The following PPP1R9A variants were observed in gnomAD, a reference collection of about 807,000 sequenced individuals.
The protein encoded by PPP1R9A is neurabin-1.
A neutral mutation model predicts 141.9 loss-of-function variants in PPP1R9A; 59 were observed. That is an observed-to-expected ratio of 0.42 (90% CI 0.34 to 0.52). The LOEUF (loss-of-function observed/expected upper bound fraction) is 0.52. Among genes scored for constraint, PPP1R9A ranks in the 20% least tolerant of loss-of-function variants. The pLI is 0.10. For synonymous variants in PPP1R9A, 500 were observed against 569.7 expected (o/e 0.88, Z 1.74); for missense variants, 1,444 against 1,611.9 (o/e 0.90, Z 1.78).
intron 2 of PPP1R9A, among the ~76,000 whole-genome samples, chr7:95,096,161 G>A (rs1232280810): frequency 1.3e-5 from 2 of 152,068 alleles, no homozygotes; most frequent in Non-Finnish European, 2.9e-5. Flanking sequence ...TGGAAATACA[G>A]GATTTTAGAT....
chr7:94,961,075 G>C lies in PPP1R9A; in HGVS notation c.1395+49567G>C, dbSNP rs190179294. Among the ~76,000 whole-genome samples the C allele has an allele frequency of 1.3e-3, 193 of 151,646 alleles. 4 individuals are homozygous for C. Among genetic ancestry groups the C allele is most frequent in the Non-Finnish European group, 4.1e-4 (28 of 67,652 alleles). On this transcript the variant is annotated intron_variant, in intron 2 of 19. Coordinates refer to ENST00000433360, the MANE Select transcript of PPP1R9A (RefSeq NM_001166160.2). ...TTGAATAGGTAAAGGGGAGAATTGA[G>C]TAGTGATATGATGTATTTAGTCTGG... is the stretch of plus-strand genomic sequence containing the variant.
chr7:94,975,269 G>T (rs942953424), intron 2 of PPP1R9A, among the ~76,000 whole-genome samples: 2 of 151,492 alleles, frequency 1.3e-5, no homozygotes, highest in Admixed American at 1.3e-4. Flanking sequence ...TAGCCTGGTA[G>T]CTTGAAGCTG....
At chr7:95,049,406 A>C (rs540885442) in intron 2 of PPP1R9A, among the ~76,000 whole-genome samples, 2 of 152,302 alleles carry the variant, frequency 1.3e-5, no homozygotes, top group South Asian at 4.1e-4. Flanking sequence ...TTTTAGGTTC[A>C]TAGTAAGATT....
intron 2 of PPP1R9A, among the ~76,000 whole-genome samples, chr7:94,957,769 TACGAC>T (rs1797222439): frequency 1.3e-5 from 2 of 152,202 alleles, no homozygotes; most frequent in South Asian, 4.2e-4. Flanking sequence ...CACTTTACTG[TACGAC>T]CCCTTTCTTC....
chr7:95,137,068 T>G (rs1175562547), intron 4 of PPP1R9A, among the ~76,000 whole-genome samples: 1 of 152,118 alleles, frequency 6.6e-6, no homozygotes, highest in Non-Finnish European at 1.5e-5. Flanking sequence ...TCATAAAAGA[T>G]GCAAGTCTTT....
At chr7:95,141,228 G>A (rs11979358) in intron 4 of PPP1R9A, among the ~76,000 whole-genome samples, 90,652 of 151,934 alleles carry the variant, frequency 0.6, 27,641 homozygotes, top group African/African-American at 0.72. Context: ...TGAAGACCCA[G>A]TGCTGAAGAA....
Position 95,133,463 on chromosome 7 carries a change from A to G in PPP1R9A, c.1649+12631A>G, listed in dbSNP as rs543096768. Among the ~76,000 whole-genome samples the G allele has an allele frequency of 4.7e-5, 7 of 149,450 alleles. No homozygotes were observed. The South Asian group carries it at 1.5e-3, about 31-fold the overall frequency. The stretch of plus-strand genomic sequence containing the variant: ...ACTTAAATAATATATTACTTTATAT[A>G]ATGTCATTAGTTTTTATAATAGACT... On this transcript the variant is annotated intron_variant, in intron 4 of 19. Transcript: ENST00000433360.
chr7:94,931,003 A>G (rs1170933487), intron 2 of PPP1R9A, among the ~76,000 whole-genome samples: 1 of 152,150 alleles, frequency 6.6e-6, no homozygotes, highest in Non-Finnish European at 1.5e-5. Context: ...ATGAAGATTA[A>G]TGTTGCCTTC....
intron 3 of PPP1R9A, among the ~76,000 whole-genome samples, chr7:95,119,234 CTT>C (rs1236072517): frequency 6.6e-6 from 1 of 151,682 alleles, no homozygotes; most frequent in Non-Finnish European, 1.5e-5. Flanking sequence ...AATAGTGTAT[CTT>C]TTATATATTC....
intron 2 of PPP1R9A, among the ~76,000 whole-genome samples, chr7:94,972,116 G>A (rs1171507602): frequency 1.3e-5 from 2 of 152,228 alleles, no homozygotes; most frequent in Admixed American, 1.3e-4. Flanking sequence ...GCTGTGGGAT[G>A]TGAATAATAA....
At chr7:95,104,053 G>A (rs1819177784) in intron 2 of PPP1R9A, among the ~76,000 whole-genome samples, 1 of 151,592 alleles carries the variant, frequency 6.6e-6, no homozygotes. Context: ...CCAGATATTG[G>A]TACTTTAAAT....
At chr7:95,017,183 A>C (rs1296122122) in intron 2 of PPP1R9A, among the ~76,000 whole-genome samples, 7 of 152,146 alleles carry the variant, frequency 4.6e-5, no homozygotes, top group Non-Finnish European at 8.8e-5. Flanking sequence ...AGCCTCTAGA[A>C]CTGCAAGATA....
intron 16 of PPP1R9A, among the ~76,000 whole-genome samples, chr7:95,280,256 A>G (rs936320258): frequency 9.9e-5 from 15 of 152,158 alleles, no homozygotes; most frequent in African/African-American, 3.6e-4. Context: ...GTTGCAACTA[A>G]TTTTCTTCAA....
At chr7:95,010,742 T>A (rs766986136) in intron 2 of PPP1R9A, among the ~76,000 whole-genome samples, 3 of 152,178 alleles carry the variant, frequency 2.0e-5, no homozygotes, top group East Asian at 3.9e-4. Flanking sequence ...TATATAATTT[T>A]AAAAAATTCT....
chr7:94,926,283 A>C lies in PPP1R9A; in HGVS notation c.1395+14775A>C, dbSNP rs562591891. Among the ~76,000 whole-genome samples, 12 of 152,328 alleles carry C rather than the reference A, an allele frequency of 7.9e-5. No homozygotes were observed. The East Asian group carries it at 2.3e-3, about 29-fold the overall frequency. ...GCTGTTGTGCTCTCTTTCGTTTGGG[A>C]AATCTCAATCTATTGCCCTGTAAGG... On this transcript the variant is annotated intron_variant, in intron 2 of 19. Coordinates refer to ENST00000433360, the MANE Select transcript of PPP1R9A (RefSeq NM_001166160.2).
At chr7:95,173,182 A>T (rs1832390115) in intron 5 of PPP1R9A, among the ~76,000 whole-genome samples, 1 of 151,934 alleles carries the variant, frequency 6.6e-6, no homozygotes, top group Non-Finnish European at 1.5e-5. Context: ...TAGAAAATCA[A>T]ATACCTTATA....
intron 2 of PPP1R9A, among the ~76,000 whole-genome samples, chr7:95,051,107 A>G (rs1810733338): frequency 6.6e-6 from 1 of 151,232 alleles, no homozygotes; most frequent in Non-Finnish European, 1.5e-5. Flanking sequence ...TTTACATTTA[A>G]GTCTGTGATT....
chr7:95,163,835 G>C (rs974895066), intron 5 of PPP1R9A, among the ~76,000 whole-genome samples: 11 of 152,114 alleles, frequency 7.2e-5, no homozygotes, highest in Non-Finnish European at 1.5e-4. Context: ...TGCCTCCTGG[G>C]TTCAAGCAGT....
At chr7:94,955,411 A>G (rs545136601) in intron 2 of PPP1R9A, among the ~76,000 whole-genome samples, 1 of 152,294 alleles carries the variant, frequency 6.6e-6, no homozygotes, top group South Asian at 2.1e-4. Flanking sequence ...AATCAAGAAT[A>G]ACCTGTAGGA....
Sources: allele counts gnomAD v4.1 joint callset (sites outside exome capture counted in the v4.1 genomes callset), GRCh38; gene constraint gnomAD v4.1.1; transcripts MANE v1.5; gene names NCBI Gene and HGNC (gene_info 2026-07-23, HGNC 2026-07-21).